The following IGF1R variants were observed in gnomAD, a reference collection of about 807,000 sequenced individuals.
IGF1R encodes the protein insulin-like growth factor 1 receptor.
In IGF1R, 44 loss-of-function variants were observed where a neutral mutation model predicts 144.6. That is an observed-to-expected ratio of 0.30 (90% confidence interval 0.24 to 0.39). The LOEUF is 0.39. Ranked by LOEUF, IGF1R falls within the 10% of genes least tolerant of loss-of-function variation. The pLI is 1.00. For synonymous variants in IGF1R, 795 were observed against 722.8 expected (o/e 1.10, Z -1.60); for missense variants, 1,355 against 1,833.7 (o/e 0.74, Z 4.77).
intron 6 of IGF1R, among the ~76,000 whole-genome samples, chr15:98,911,111 A>G (rs767491563): frequency 4.6e-5 from 7 of 152,208 alleles, no homozygotes; most frequent in Non-Finnish European, 1.0e-4. Flanking sequence ...TGATTGACCT[A>G]AAACAAAGGA....
chr15:98,890,253 A>T (rs2013839192), intron 2 of IGF1R: 1 of 152,234 alleles, frequency 6.6e-6, no homozygotes, highest in Non-Finnish European at 1.5e-5. Context: ...ATTCTGAGTC[A>T]CAGGATGAGG....
chr15:98,896,213 G>A (rs2014187491), intron 3 of IGF1R, among the ~76,000 whole-genome samples: 1 of 152,166 alleles, frequency 6.6e-6, no homozygotes, highest in East Asian at 1.9e-4. Context: ...AGAAAATAAT[G>A]GATCTGTGCT....
At chr15:98,759,598 GT>G (rs1200025045) in intron 2 of IGF1R, among the ~76,000 whole-genome samples, 1 of 152,244 alleles carries the variant, frequency 6.6e-6, no homozygotes, top group East Asian at 1.9e-4. Context: ...CCTGGAAATT[GT>G]TGCTATGCAT....
intron 2 of IGF1R, among the ~76,000 whole-genome samples, chr15:98,794,932 T>C (rs1212086786): frequency 6.6e-6 from 1 of 152,200 alleles, no homozygotes; most frequent in Non-Finnish European, 1.5e-5. Context: ...GTGTCATCCT[T>C]GACACCTCCC....
In IGF1R at chr15:98,776,424, G is replaced by T. The variant is rs1744757932; in HGVS notation, c.640+68317G>T. On this transcript the variant is annotated intron_variant, in intron 2 of 20. Coordinates refer to ENST00000650285, the MANE Select transcript of IGF1R (RefSeq NM_000875.5). ...TGGTCTTGAACTCCTGACCTCAGAT[G>T]ATCCACGCGCCTTGGCCTCCCAAAG... Among the ~76,000 whole-genome samples the T allele has an allele frequency of 3.3e-5, 5 of 152,250 alleles. No individual in the cohort carries two copies. The South Asian group carries it at 1.0e-3, about 32-fold the overall frequency.
chr15:98,811,077 G>T (rs2056579791), intron 2 of IGF1R, among the ~76,000 whole-genome samples: 1 of 151,784 alleles, frequency 6.6e-6, no homozygotes, highest in Admixed American at 6.6e-5. Flanking sequence ...GAGGCGGCCG[G>T]ATCACCTGAG....
chr15:98,659,846 T>G (rs2052562898), intron 1 of IGF1R, among the ~76,000 whole-genome samples: 1 of 152,214 alleles, frequency 6.6e-6, no homozygotes. Context: ...AGTAACACTT[T>G]CATTCTCTTC....
chr15:98,905,105 T>C (rs570794101), intron 5 of IGF1R, among the ~76,000 whole-genome samples: 1 of 152,312 alleles, frequency 6.6e-6, no homozygotes, highest in South Asian at 2.1e-4. Context: ...GGCTCAGACC[T>C]GACCTTTGGA....
In IGF1R at chr15:98,698,008, T is replaced by G. The variant is rs1191415389; in HGVS notation, c.95-9554T>G. Among the ~76,000 whole-genome samples, 3 of 142,542 alleles carry G rather than the reference T, an allele frequency of 2.1e-5. No homozygotes were observed. In the South Asian group the frequency reaches 6.8e-4, roughly 33 times the overall value. The allele number at this position is 142,542 out of a possible 152,430, so 93.5% of individuals were successfully genotyped here. ...CTTCGGCCTCCCGAAGTGCTGAGAT[T>G]ACAGGCGTGAGCCGCCGCGCCTGGC... On this transcript the variant is annotated intron_variant, in intron 1 of 20. Coordinates refer to ENST00000650285, the MANE Select transcript of IGF1R (RefSeq NM_000875.5).
At chr15:98,943,116 A>T (rs1334324105) in intron 19 of IGF1R, 64 bp downstream of exon 19, 2 of 1,570,118 alleles carry the variant, frequency 1.3e-6, no homozygotes, top group Non-Finnish European at 1.8e-6. Context: ...CCACCAGCTC[A>T]GTCTCTAGGG....
intron 2 of IGF1R, among the ~76,000 whole-genome samples, chr15:98,883,327 A>T (rs73463639): frequency 0.051 from 7,734 of 152,254 alleles, 341 homozygotes; most frequent in East Asian, 0.15. Flanking sequence ...ACCATTCCTT[A>T]GGATGACCAG....
chr15:98,852,433 C>T (rs2011571010), intron 2 of IGF1R, among the ~76,000 whole-genome samples: 1 of 152,242 alleles, frequency 6.6e-6, no homozygotes, highest in Admixed American at 6.5e-5. Context: ...CCCTCCCCGC[C>T]GGCCAATCGC....
At chr15:98,895,063 T>G (rs533777601) in intron 3 of IGF1R, among the ~76,000 whole-genome samples, 2 of 150,254 alleles carry the variant, frequency 1.3e-5, no homozygotes, top group Non-Finnish European at 3.0e-5. Flanking sequence ...GAAAACAGAT[T>G]AGTGGTTGCC....
intron 2 of IGF1R, among the ~76,000 whole-genome samples, chr15:98,735,726 G>T (rs144879129): frequency 2.0e-5 from 3 of 152,202 alleles, no homozygotes; most frequent in Non-Finnish European, 2.9e-5. Flanking sequence ...ATGTGTGATC[G>T]CATTGGAGCT....
At chr15:98,715,198 G>A (rs2054085495) in intron 2 of IGF1R, among the ~76,000 whole-genome samples, 1 of 152,230 alleles carries the variant, frequency 6.6e-6, no homozygotes, top group Non-Finnish European at 1.5e-5. Context: ...GACGCTTGTT[G>A]CCGAGATGGT....
chr15:98,957,474 CGT>C lies in IGF1R; in HGVS notation c.*36_*37del. On this transcript the variant is annotated 3_prime_UTR_variant, in exon 21 of 21. Transcript: ENST00000650285. ...GATCCTGAATCTGTGCAAACAGTAACGTGTGCGCACGCGCAGCGGGGTGGGGG... is the reference window on the plus strand; with the variant it reads ...GATCCTGAATCTGTGCAAACAGTAACGTGCGCACGCGCAGCGGGGTGGGGG... 1 of 1,611,782 alleles carries C rather than the reference CGT, an allele frequency of 6.2e-7. No homozygotes were observed. Among genetic ancestry groups the C allele is most frequent in the Non-Finnish European group, 8.5e-7 (1 of 1,179,672 alleles).
At chr15:98,916,325 G>A (rs1038615253) in intron 9 of IGF1R, among the ~76,000 whole-genome samples, 194 bp downstream of exon 9, 1 of 146,460 alleles carries the variant, frequency 6.8e-6, no homozygotes. Context: ...GCAGTGGCAC[G>A]ATCATGGCTC....
rs1180386524 is a variant in IGF1R at position 98,649,229 on chromosome 15, C to T, written c.-353C>T. ...TTTTCCTCGCCTAGGCAGATTTGGG[C>T]TTTGCCCCCTTTCTTTGCAGTTTTC... is the stretch of plus-strand genomic sequence containing the variant. On this transcript the variant is annotated 5_prime_UTR_variant, in exon 1 of 21. Transcript: ENST00000650285. 1.4e-5 allele frequency: 3 copies of T among 218,250 alleles called. No homozygotes were observed. The highest frequency in any genetic ancestry group is 5.8e-5 in the Admixed American group (1 of 17,200). The allele number at this position is 218,250 out of a possible 1,614,324, so 13.5% of individuals were successfully genotyped here. A position where few individuals can be genotyped will look rare whatever the true frequency, so the allele number is the denominator to read the frequency against.
chr15:98,826,325 G>A (rs996437514), intron 2 of IGF1R, among the ~76,000 whole-genome samples: 3 of 152,168 alleles, frequency 2.0e-5, no homozygotes. Flanking sequence ...GAATATATAA[G>A]CTGTATTTTT....
Sources: gnomAD v4.1 joint callset for allele counts (sites outside exome capture counted in the v4.1 genomes callset) on GRCh38, gnomAD v4.1.1 for gene constraint, MANE v1.5 for transcripts, NCBI Gene and HGNC (gene_info 2026-07-23, HGNC 2026-07-21) for gene names.